Variants in NEB observed in about 807,000 individuals in gnomAD.
NEB encodes nemaline myopathy type 2.
A neutral mutation model predicts 952.2 loss-of-function variants in NEB; 512 were observed. That is an observed-to-expected ratio of 0.54 (90% confidence interval 0.50 to 0.58). NEB has a LOEUF of 0.58. NEB is among the 20% of genes least tolerant of loss of function. The pLI, the probability that NEB is intolerant of heterozygous loss-of-function variation, is 0.00. For missense variants in NEB, 8,428 were observed against 9,231.1 expected, an observed-to-expected ratio of 0.91 and a Z score of 3.56; for synonymous variants, 2,900 against 3,149.8, an observed-to-expected ratio of 0.92 and a Z score of 2.66.
At chr2:151,537,430 T>C (rs992271525) in intron 140 of NEB, among the ~76,000 whole-genome samples, 194 bp from the exon 141 acceptor site, 9 of 152,222 alleles carry the variant, frequency 5.9e-5, no homozygotes, top group African/African-American at 1.7e-4. Flanking sequence ...ATATGGAAGT[T>C]TTCCATTTTT....
chr2:151,627,591 C>A lies in NEB; in HGVS notation c.10075G>T (p.Glu3359Ter). The A allele has an allele frequency of 6.2e-7, 1 of 1,614,026 alleles. No homozygotes were observed. Among genetic ancestry groups the A allele is most frequent in the South Asian group, 1.1e-5 (1 of 91,084 alleles). ...SDVDYKNYLH[E>*]WTCLPDQNDV... ...TTCTGGTCGGGCAGGCACGTCCACT[C>A]GTGCAGGTAGTTCTTGTAGTCCACA... Residue 3359 changes from glutamate (E) to a stop codon, truncating the protein, a stop_gained, in exon 69 of 182, where the codon GAG becomes TAG. Coordinates refer to ENST00000397345, the MANE Select transcript of NEB (RefSeq NM_001164508.2). LOFTEE classifies it high-confidence loss of function.
In NEB at chr2:151,563,646, C is replaced by T. The variant is rs34471889; in HGVS notation, c.18653G>A (p.Gly6218Asp). 4.1e-4 allele frequency: 661 copies of T among 1,613,840 alleles called. 3 individuals carry two copies. In the African/African-American group the frequency reaches 8.0e-3, roughly 20 times the overall value. ...LAGKVIGEFPGVVHCLDFQKM... is the reference protein window; with the variant it reads ...LAGKVIGEFPDVVHCLDFQKM... ...TTGGAAATCCAGACAGTGAACCACA[C>T]CAGGGAATTCACCGATCACTTTTCC... The change falls in exon 119 of 182, where the codon GGT becomes GAT. Residue 6218 changes from glycine to aspartate, a missense_variant. Around this residue, in one of 11 missense-constraint regions of NEB, gnomAD observed 3,374 missense variants for 3,651.5 expected, o/e 0.92. Transcript: ENST00000397345.
chr2:151,653,865 G>T, intron 52 of NEB, 127 bp downstream of exon 52: 1 of 600,880 alleles, frequency 1.7e-6, no homozygotes. Context: ...TAAATGAAGA[G>T]GGTAGGAGAA....
At chr2:151,533,638 A>ATG in intron 142 of NEB, 92 bp from the exon 143 acceptor site, 2 of 765,698 alleles carry the variant, frequency 2.6e-6, no homozygotes, top group Non-Finnish European at 4.4e-6. Context: ...GAGTGAAGAG[A>ATG]TGTAGGCATA....
chr2:151,690,845 T>TTTC lies in NEB; in HGVS notation c.2212-21_2212-20insGAA. ...GGTATGCTAGAAAAGAAGATGTTCT[T>TTTC]TAATGAAATATCAGTATATTCTTGG... On this transcript the variant is annotated intron_variant, in intron 23 of 181. Coordinates refer to ENST00000397345, the MANE Select transcript of NEB (RefSeq NM_001164508.2). 1 of 1,495,710 alleles carries TTTC rather than the reference T, an allele frequency of 6.7e-7. No homozygotes were observed. The highest frequency in any genetic ancestry group is 9.2e-7 in the Non-Finnish European group (1 of 1,092,410). 92.7% of individuals were successfully genotyped at this position (1,495,710 alleles called of 1,614,324 possible).
chr2:151,524,742 CT>C, intron 151 of NEB, 126 bp from the exon 152 acceptor site: 10 of 723,176 alleles, frequency 1.4e-5, no homozygotes, highest in Non-Finnish European at 1.7e-5. Context: ...TCTCAGCTCA[CT>C]GCAACTTCTG....
intron 65 of NEB, among the ~76,000 whole-genome samples, chr2:151,633,404 G>C (rs371998749): frequency 2.0e-5 from 3 of 152,082 alleles, no homozygotes; most frequent in African/African-American, 7.2e-5. Flanking sequence ...TCTCCCTCTA[G>C]TGGACCCTGA....
At chr2:151,623,463 T>A (rs191885809) in intron 71 of NEB, among the ~76,000 whole-genome samples, 21 of 152,292 alleles carry the variant, frequency 1.4e-4, no homozygotes, top group African/African-American at 5.0e-4. Context: ...TTAAACTTCA[T>A]TTTTATACCC....
chr2:151,729,055 G>A (rs745662866), intron 4 of NEB, among the ~76,000 whole-genome samples: 4 of 112,150 alleles, frequency 3.6e-5, no homozygotes, highest in Non-Finnish European at 8.6e-5. Context: ...GCATGAGAGA[G>A]GTATTTCACC....
Position 151,518,347 on chromosome 2 carries a change from G to C in NEB, c.22771C>G (p.Leu7591Val). ...TIPDNLEQLH[L>V]KEATELQSIV... ...CTCTGTAATTCTGTGGCCTCTTTTA[G>C]GTGAAGCTGCTCCAGATTATCGGGT... The change falls in exon 156 of 182, where the codon CTA (leucine) becomes GTA (valine). Residue 7591 changes from leucine (L) to valine (V), a missense_variant. Physicochemically the swap from Leu to Val is conservative, Grantham distance 32. Coordinates refer to ENST00000397345, the MANE Select transcript of NEB (RefSeq NM_001164508.2). The C allele has an allele frequency of 1.2e-6, 2 of 1,610,738 alleles. No individual in the cohort carries two copies. Among genetic ancestry groups the C allele is most frequent in the Non-Finnish European group, 1.7e-6 (2 of 1,177,018 alleles).
intron 124 of NEB, among the ~76,000 whole-genome samples, chr2:151,559,753 A>G (rs1420564845): frequency 6.6e-6 from 1 of 152,150 alleles, no homozygotes; most frequent in Non-Finnish European, 1.5e-5. Flanking sequence ...GAACACATGG[A>G]CACAGGGAGG....
intron 36 of NEB, among the ~76,000 whole-genome samples, chr2:151,673,677 G>A (rs932382645): frequency 2.7e-5 from 4 of 150,844 alleles, no homozygotes; most frequent in African/African-American, 9.7e-5. Flanking sequence ...CCCTGGGATA[G>A]CATGTAACAG....
At chr2:151,504,774 A>T (rs2067461441) in intron 165 of NEB, among the ~76,000 whole-genome samples, 1 of 152,180 alleles carries the variant, frequency 6.6e-6, no homozygotes, top group South Asian at 2.1e-4. Flanking sequence ...CTTGCTTGAC[A>T]AAAGGTCAGG....
intron 138 of NEB, among the ~76,000 whole-genome samples, chr2:151,538,557 A>G (rs759804479): frequency 5.3e-5 from 8 of 152,272 alleles, no homozygotes; most frequent in Non-Finnish European, 1.2e-4. Flanking sequence ...GGCATGTGAT[A>G]ACTCTGTACA....
chr2:151,694,464 C>A (rs763434193), intron 19 of NEB, 28 bp from the exon 20 acceptor site: 3 of 1,612,838 alleles, frequency 1.9e-6, no homozygotes, highest in African/African-American at 1.3e-5. Flanking sequence ...ATGCCAGATT[C>A]CACTCAAGAG....
Position 151,687,532 on chromosome 2 carries a change from C to A in NEB, c.2524G>T (p.Val842Leu). The change falls in exon 27 of 182, where the codon GTG (valine) becomes TTG (leucine). Residue 842 changes from valine (V) to leucine (L), a missense_variant and splice_region_variant. By Grantham distance (32) the Val-to-Leu change is conservative. Transcript: ENST00000397345. The part of the protein sequence containing the change: ...AKANTKNTSD[V>L]MYKKDYEKSK... ...TTTTCATAGTCTTTCTTGTACATCA[C>A]CTGCAAAGACATCACACATGCCAGA... The A allele has an allele frequency of 6.2e-7, 1 of 1,613,070 alleles. No homozygotes were observed. Among genetic ancestry groups the A allele is most frequent in the Non-Finnish European group, 8.5e-7 (1 of 1,179,084 alleles).
At chr2:151,712,398 G>A (rs1167854448) in intron 10 of NEB, among the ~76,000 whole-genome samples, 1 of 152,216 alleles carries the variant, frequency 6.6e-6, no homozygotes, top group Non-Finnish European at 1.5e-5. Flanking sequence ...CACAGTGAGA[G>A]ATAGATGTCT....
intron 169 of NEB, among the ~76,000 whole-genome samples, chr2:151,499,088 TACTG>T (rs1424994782): frequency 2.0e-5 from 3 of 152,138 alleles, no homozygotes; most frequent in African/African-American, 7.2e-5. Flanking sequence ...AGGAATATAA[TACTG>T]AACACTTTTT....
At chr2:151,727,955 G>A (rs913966871) in intron 4 of NEB, 49 bp from the exon 5 acceptor site, 1 of 1,425,944 alleles carries the variant, frequency 7.0e-7, no homozygotes, top group African/African-American at 1.4e-5. Flanking sequence ...TAAAAACTGT[G>A]CTACTGTGAT....
Sources: allele counts gnomAD v4.1 joint callset (sites outside exome capture counted in the v4.1 genomes callset), GRCh38; gene constraint gnomAD v4.1.1; regional missense constraint gnomAD v4.1.1; transcripts MANE v1.5; gene names NCBI Gene and HGNC (gene_info 2026-07-23, HGNC 2026-07-21).